Variants in CTNNA2 observed in about 807,000 individuals in gnomAD.
CTNNA2 encodes catenin alpha-2.
Under a neutral mutation model 101.0 loss-of-function variants are expected in CTNNA2, and 42 were observed. The observed-to-expected ratio is 0.42, with a 90% confidence interval of 0.32 to 0.54. The LOEUF (loss-of-function observed/expected upper bound fraction) is 0.54. CTNNA2 is among the 20% of genes least tolerant of loss of function. The pLI is 0.14. For synonymous variants in CTNNA2, 450 were observed against 456.4 expected, an observed-to-expected ratio of 0.99 and a Z score of 0.18; for missense variants, 871 against 1,223.1, an observed-to-expected ratio of 0.71 and a Z score of 4.29.
intron 11 of CTNNA2, among the ~76,000 whole-genome samples, chr2:80,546,867 G>A (rs765082299): frequency 8.5e-5 from 13 of 152,222 alleles, no homozygotes; most frequent in Non-Finnish European, 8.8e-5. Context: ...CCTTCTTTGT[G>A]AGGTGTTAAA....
chr2:79,559,461 G>T (rs796560934), intron 1 of CTNNA2, among the ~76,000 whole-genome samples: 9 of 152,060 alleles, frequency 5.9e-5, no homozygotes, highest in African/African-American at 2.2e-4. Flanking sequence ...CTTCATTTCT[G>T]TGTGGAAATG....
intron 7 of CTNNA2, among the ~76,000 whole-genome samples, chr2:80,291,556 C>G (rs953171747): frequency 6.6e-6 from 1 of 152,196 alleles, no homozygotes; most frequent in Non-Finnish European, 1.5e-5. Context: ...AAAGAAAAAG[C>G]TTCTTTAAAT....
intron 9 of CTNNA2, among the ~76,000 whole-genome samples, chr2:80,542,574 G>C (rs1241762504): frequency 1.3e-5 from 2 of 151,948 alleles, no homozygotes; most frequent in East Asian, 3.9e-4. Flanking sequence ...AAGCGTGTTG[G>C]TATTTTCTTA....
At chr2:79,353,320 A>G (rs1040140316) in intron 3 of CTNNA2, among the ~76,000 whole-genome samples, 2 of 152,102 alleles carry the variant, frequency 1.3e-5, no homozygotes, top group African/African-American at 4.8e-5. Flanking sequence ...CTTGACATTG[A>G]GTTCTATTTT....
At chr2:79,648,005 C>CT (rs1680943133) in intron 1 of CTNNA2, among the ~76,000 whole-genome samples, 2 of 152,200 alleles carry the variant, frequency 1.3e-5, no homozygotes, top group Non-Finnish European at 2.9e-5. Flanking sequence ...CGTCATATTT[C>CT]TTAACATTCC....
chr2:80,094,274 A>T (rs1699995171), intron 7 of CTNNA2, among the ~76,000 whole-genome samples: 1 of 151,960 alleles, frequency 6.6e-6, no homozygotes, highest in Non-Finnish European at 1.5e-5. Context: ...TCCTTTCCCC[A>T]TTGCTTGTTT....
At chr2:79,911,233 CTGTT>C (rs1685773999) in intron 7 of CTNNA2, among the ~76,000 whole-genome samples, 1 of 152,162 alleles carries the variant, frequency 6.6e-6, no homozygotes, top group South Asian at 2.1e-4. Flanking sequence ...ATCTGAGACG[CTGTT>C]TGTTTGTTCG....
At chr2:79,835,689 T>TG in intron 3 of CTNNA2, among the ~76,000 whole-genome samples, 2 of 135,078 alleles carry the variant, frequency 1.5e-5, no homozygotes, top group African/African-American at 5.7e-5. Flanking sequence ...TTTTTTTTTT[T>TG]TTTTTTTTTT....
At chr2:79,287,150 C>T (rs1313300091) in intron 2 of CTNNA2, among the ~76,000 whole-genome samples, 1 of 152,144 alleles carries the variant, frequency 6.6e-6, no homozygotes, top group African/African-American at 2.4e-5. Flanking sequence ...TCTAGTTATA[C>T]ATTCTTCTAA....
intron 7 of CTNNA2, among the ~76,000 whole-genome samples, chr2:80,142,010 T>A (rs553044453): frequency 6.6e-6 from 1 of 152,240 alleles, no homozygotes; most frequent in African/African-American, 2.4e-5. Flanking sequence ...TTCTGACTGC[T>A]GTTCTTTGTT....
intron 6 of CTNNA2, among the ~76,000 whole-genome samples, chr2:79,904,885 T>C (rs796710156): frequency 6.6e-6 from 1 of 152,304 alleles, no homozygotes; most frequent in African/African-American, 2.4e-5. Context: ...ACAACAATTG[T>C]GTGTGTGGTG....
At chr2:79,402,852 C>T (rs549070233) in intron 4 of CTNNA2, among the ~76,000 whole-genome samples, 20 of 151,812 alleles carry the variant, frequency 1.3e-4, no homozygotes, top group African/African-American at 4.6e-4. Context: ...GGAAATTACA[C>T]AGCACAGTGT....
intron 7 of CTNNA2, among the ~76,000 whole-genome samples, chr2:80,124,365 C>T (rs1264483755): frequency 6.6e-6 from 1 of 152,058 alleles, no homozygotes; most frequent in African/African-American, 2.4e-5. Flanking sequence ...CTCATTAGAT[C>T]CTCATCATAA....
At chr2:79,341,379 C>T (rs1157987456) in intron 3 of CTNNA2, among the ~76,000 whole-genome samples, 1 of 152,044 alleles carries the variant, frequency 6.6e-6, no homozygotes, top group Non-Finnish European at 1.5e-5. Flanking sequence ...CTGATAGGAC[C>T]AGTCTCTGAA....
intron 6 of CTNNA2, among the ~76,000 whole-genome samples, chr2:79,878,229 G>C (rs190733265): frequency 6.6e-6 from 1 of 152,272 alleles, no homozygotes; most frequent in African/African-American, 2.4e-5. Flanking sequence ...GTGGGCATTT[G>C]GGTTGGTTCC....
intron 7 of CTNNA2, among the ~76,000 whole-genome samples, chr2:80,291,723 C>A (rs1353603778): frequency 1.3e-5 from 2 of 152,164 alleles, no homozygotes; most frequent in East Asian, 3.9e-4. Context: ...CTATAGATAG[C>A]AAACAGCTCA....
intron 7 of CTNNA2, among the ~76,000 whole-genome samples, chr2:80,206,918 A>G (rs950763803): frequency 6.6e-6 from 1 of 152,172 alleles, no homozygotes; most frequent in Non-Finnish European, 1.5e-5. Context: ...CTCCTTAAGC[A>G]TGTTCCCAGT....
intron 9 of CTNNA2, among the ~76,000 whole-genome samples, chr2:80,520,060 C>G (rs139552431): frequency 6.6e-6 from 1 of 152,104 alleles, no homozygotes; most frequent in East Asian, 1.9e-4. Flanking sequence ...TGGAACACCC[C>G]CTGTGTTTCC....
At chr2:79,222,312 T>C (rs1443174755) in intron 2 of CTNNA2, among the ~76,000 whole-genome samples, 1 of 152,186 alleles carries the variant, frequency 6.6e-6, no homozygotes, top group Non-Finnish European at 1.5e-5. Flanking sequence ...AGGTGGCCAG[T>C]TTATGACCCT....
Sources: gnomAD v4.1 joint callset for allele counts (sites outside exome capture counted in the v4.1 genomes callset) on GRCh38, gnomAD v4.1.1 for gene constraint, MANE v1.5 for transcripts, NCBI Gene and HGNC (gene_info 2026-07-23, HGNC 2026-07-21) for gene names.